Variants in GFRA1 observed in about 807,000 individuals in gnomAD.
GFRA1 encodes GDNF family receptor alpha-1.
Under a neutral mutation model 51.6 loss-of-function variants are expected in GFRA1, and 16 were observed. The observed-to-expected ratio is 0.31, with a 90% CI of 0.21 to 0.47. GFRA1 has a LOEUF of 0.47. Among genes scored for constraint, GFRA1 ranks in the 20% least tolerant of loss-of-function variants. GFRA1 has a pLI of 1.00. For missense variants in GFRA1, 530 were observed against 594.3 expected, an observed-to-expected ratio of 0.89 and a Z score of 1.13; for synonymous variants, 270 against 241.3, an observed-to-expected ratio of 1.12 and a Z score of -1.10.
chr10:116,065,686 T>C, intron 9 of GFRA1, 60 bp from the exon 10 acceptor site: 1 of 1,315,460 alleles, frequency 7.6e-7, no homozygotes, highest in Middle Eastern at 1.8e-4. Flanking sequence ...TTACTGATGA[T>C]CCATCAGTCA....
intron 4 of GFRA1, among the ~76,000 whole-genome samples, chr10:116,214,675 T>G (rs1035159629): frequency 2.6e-5 from 4 of 152,194 alleles, no homozygotes; most frequent in Admixed American, 6.5e-5. Flanking sequence ...AAAACATTAG[T>G]GAAATAAGAT....
chr10:116,082,634 C>T (rs1489764544), intron 9 of GFRA1, among the ~76,000 whole-genome samples: 1 of 152,096 alleles, frequency 6.6e-6, no homozygotes, highest in African/African-American at 2.4e-5. Flanking sequence ...GCATGTGCCA[C>T]CATGCTGGCT....
rs1350736058 is a variant in GFRA1 at position 116,060,326 on chromosome 10, T to TTTC, written c.*4069_*4071dup. The TTTC allele has an allele frequency of 2.6e-5, 4 of 152,190 alleles. No homozygotes were observed. The highest frequency in any genetic ancestry group is 2.6e-4 in the Admixed American group (4 of 15,282). 9.4% of individuals were successfully genotyped at this position (152,190 alleles called of 1,614,324 possible). On this transcript the variant is annotated 3_prime_UTR_variant, in exon 11 of 11. Coordinates refer to ENST00000355422, the MANE Select transcript of GFRA1 (RefSeq NM_005264.8). ...AATCCCCACTTGTTTTATTTTAGAA[T>TTTC]TTCTAATAAGAAATTCCTTCCTCTG...
At chr10:116,244,454 A>C (rs867558715) in intron 4 of GFRA1, among the ~76,000 whole-genome samples, 1 of 103,502 alleles carries the variant, frequency 9.7e-6, no homozygotes, top group African/African-American at 4.0e-5. Context: ...AATTTAATTT[A>C]ATTTAATTTT....
chr10:116,269,141 C>T (rs1277444370), intron 4 of GFRA1, among the ~76,000 whole-genome samples: 2 of 151,998 alleles, frequency 1.3e-5, no homozygotes, highest in African/African-American at 4.8e-5. Context: ...TCCAGGGAGG[C>T]ACTATGTAAG....
At chr10:116,085,333 T>C (rs7075636) in intron 9 of GFRA1, among the ~76,000 whole-genome samples, 3 of 152,232 alleles carry the variant, frequency 2.0e-5, no homozygotes, top group African/African-American at 7.2e-5. Flanking sequence ...TTTCTCATAT[T>C]ATTGTATATT....
chr10:116,140,071 T>C (rs548782348), intron 5 of GFRA1, among the ~76,000 whole-genome samples: 13 of 152,256 alleles, frequency 8.5e-5, no homozygotes, highest in African/African-American at 2.9e-4. Flanking sequence ...CTTCTTCCCG[T>C]GGCATTAGCT....
At chr10:116,270,185 C>T (rs1424354224) in intron 3 of GFRA1, among the ~76,000 whole-genome samples, 2 of 152,140 alleles carry the variant, frequency 1.3e-5, no homozygotes, top group East Asian at 3.9e-4. Context: ...CAAAACACTC[C>T]CATTGGACTG....
intron 4 of GFRA1, among the ~76,000 whole-genome samples, chr10:116,254,348 GAAAAGAAAAGAA>G (rs1461895928): frequency 6.9e-6 from 1 of 143,898 alleles, no homozygotes; most frequent in Non-Finnish European, 1.5e-5. Context: ...AAGAAAGAAA[GAAAAGAAAAGAA>G]AAAAGAAATA....
At chr10:116,182,492 T>G (rs1311550331) in intron 5 of GFRA1, among the ~76,000 whole-genome samples, 1 of 152,216 alleles carries the variant, frequency 6.6e-6, no homozygotes, top group Non-Finnish European at 1.5e-5. Context: ...TGAGCAGATC[T>G]GGAGAGCCCT....
In GFRA1 at chr10:116,083,096, C is replaced by T. The variant is rs117050287; in HGVS notation, c.1197+6645G>A. Reference sequence around the variant, plus strand: ...GCAATAGTCATGGAGCCACAGGAGGCGAGCCAGGATTCTCACTCAGGTCCA... The same window carrying T: ...GCAATAGTCATGGAGCCACAGGAGGTGAGCCAGGATTCTCACTCAGGTCCA... On this transcript the variant is annotated intron_variant, in intron 9 of 10. Coordinates refer to ENST00000355422, the MANE Select transcript of GFRA1 (RefSeq NM_005264.8). Among the ~76,000 whole-genome samples, 735 of 152,276 alleles carry T rather than the reference C, an allele frequency of 4.8e-3. 4 individuals carry two copies. Among genetic ancestry groups the T allele is most frequent in the Middle Eastern group, 0.01 (3 of 294 alleles).
At chr10:116,087,002 G>A (rs1565564211) in intron 9 of GFRA1, among the ~76,000 whole-genome samples, 2 of 152,168 alleles carry the variant, frequency 1.3e-5, no homozygotes, top group African/African-American at 2.4e-5. Context: ...ATTTTTAGTA[G>A]AGACAGGATT....
intron 5 of GFRA1, among the ~76,000 whole-genome samples, chr10:116,174,182 G>T (rs962397517): frequency 6.1e-4 from 93 of 151,868 alleles, no homozygotes; most frequent in African/African-American, 2.1e-3. Flanking sequence ...TTCTCTGCAA[G>T]CCTACAAAAA....
chr10:116,171,296 A>G (rs75024885), intron 5 of GFRA1, among the ~76,000 whole-genome samples: 1,900 of 152,344 alleles, frequency 0.012, 43 homozygotes, highest in African/African-American at 0.044. Context: ...AATACGGAGT[A>G]TAATTCTCTT....
At chr10:116,253,830 G>A (rs527768348) in intron 4 of GFRA1, among the ~76,000 whole-genome samples, 5 of 152,246 alleles carry the variant, frequency 3.3e-5, no homozygotes, top group Non-Finnish European at 1.5e-5. Context: ...GCAATAAGCC[G>A]GGGTAGCATG....
intron 6 of GFRA1, among the ~76,000 whole-genome samples, chr10:116,110,259 G>A (rs1345032322): frequency 6.6e-6 from 1 of 152,100 alleles, no homozygotes; most frequent in Admixed American, 6.5e-5. Context: ...GGATTTCACT[G>A]AGCATTAAAC....
Position 116,160,986 on chromosome 10 carries a change from A to T in GFRA1, c.434-35429T>A, listed in dbSNP as rs140335065. On this transcript the variant is annotated intron_variant, in intron 5 of 10. Transcript: ENST00000355422. Reference sequence around the variant, plus strand: ...AGAAACCAGGACATACTCCTTTCTCAGGAGAATTCTGGGCAAGATGGTCTC... The same window carrying T: ...AGAAACCAGGACATACTCCTTTCTCTGGAGAATTCTGGGCAAGATGGTCTC... Among the ~76,000 whole-genome samples the T allele has an allele frequency of 8.6e-3, 1,304 of 152,360 alleles. 18 individuals carry two copies. The highest frequency in any genetic ancestry group is 0.029 in the African/African-American group (1,194 of 41,588).
intron 7 of GFRA1, among the ~76,000 whole-genome samples, chr10:116,095,061 G>T (rs1956516439): frequency 6.6e-6 from 1 of 152,192 alleles, no homozygotes; most frequent in Admixed American, 6.5e-5. Context: ...TCATCCTTAG[G>T]TGCGTAAGGG....
intron 9 of GFRA1, among the ~76,000 whole-genome samples, chr10:116,072,774 AC>A (rs1175739395): frequency 6.6e-6 from 1 of 151,964 alleles, no homozygotes; most frequent in East Asian, 1.9e-4. Context: ...ACAAAACAAA[AC>A]AAAACAAAAA....
Sources: allele counts gnomAD v4.1 joint callset (sites outside exome capture counted in the v4.1 genomes callset), GRCh38; gene constraint gnomAD v4.1.1; transcripts MANE v1.5; gene names NCBI Gene and HGNC (gene_info 2026-07-23, HGNC 2026-07-21).